Variants in GABRG3 observed in about 807,000 individuals in gnomAD.
The protein encoded by GABRG3 is gamma-aminobutyric acid type A receptor subunit gamma3, also known as gamma-aminobutyric acid receptor subunit gamma-3.
A neutral mutation model predicts 48.8 loss-of-function variants in GABRG3; 25 were observed. The ratio of observed to expected loss-of-function variants is 0.51; its 90% confidence interval spans 0.37 to 0.72. The LOEUF (loss-of-function observed/expected upper bound fraction) is 0.72, where lower values mean the gene tolerates loss of function less well. Ranked by LOEUF, GABRG3 falls within the 30% of genes least tolerant of loss-of-function variation. The pLI, the probability that GABRG3 is intolerant of heterozygous loss-of-function variation, is 0.00. For synonymous variants in GABRG3, 227 were observed against 217.6 expected (o/e 1.04, Z -0.38); for missense variants, 394 against 577.9 (o/e 0.68, Z 3.26).
At chr15:27,223,029 A>G (rs1889500722) in intron 3 of GABRG3, among the ~76,000 whole-genome samples, 1 of 152,214 alleles carries the variant, frequency 6.6e-6, no homozygotes, top group Non-Finnish European at 1.5e-5. Flanking sequence ...TTTTCTGAGG[A>G]TAGATATGGT....
chr15:27,034,494 G>C (rs1374538692), intron 3 of GABRG3, among the ~76,000 whole-genome samples: 1 of 152,060 alleles, frequency 6.6e-6, no homozygotes, highest in African/African-American at 2.4e-5. Context: ...AATAACAATA[G>C]GAACAATAAT....
At chr15:27,329,671 T>C (rs542004264) in intron 5 of GABRG3, among the ~76,000 whole-genome samples, 8 of 152,382 alleles carry the variant, frequency 5.2e-5, no homozygotes, top group African/African-American at 1.9e-4. Context: ...GTAAGATGAT[T>C]TAATTTTTCG....
At chr15:27,307,527 A>T (rs1173622755) in intron 3 of GABRG3, among the ~76,000 whole-genome samples, 1 of 93,102 alleles carries the variant, frequency 1.1e-5, no homozygotes, top group African/African-American at 3.8e-5. Flanking sequence ...TTATAGGTTT[A>T]TATATTTATA....
intron 3 of GABRG3, among the ~76,000 whole-genome samples, chr15:27,281,842 A>G (rs1891444734): frequency 6.6e-6 from 1 of 152,066 alleles, no homozygotes; most frequent in African/African-American, 2.4e-5. Context: ...CACTCTTTCT[A>G]CTGTTCTTAA....
At chr15:27,315,493 T>C (rs1170130559) in intron 3 of GABRG3, among the ~76,000 whole-genome samples, 1 of 152,152 alleles carries the variant, frequency 6.6e-6, no homozygotes, top group African/African-American at 2.4e-5. Context: ...CAAAATATAG[T>C]GATGTGTTTG....
At chr15:27,297,231 AAAAGTGTTACAATTAGCTAAG>A (rs1892023866) in intron 3 of GABRG3, among the ~76,000 whole-genome samples, 1 of 152,186 alleles carries the variant, frequency 6.6e-6, no homozygotes, top group Non-Finnish European at 1.5e-5. Context: ...TTTATAAAGT[AAAAGTGTTACAATTAGCTAAG>A]GTTAATTATT....
intron 3 of GABRG3, among the ~76,000 whole-genome samples, chr15:27,209,338 C>T (rs1197678786): frequency 6.9e-6 from 1 of 145,038 alleles, no homozygotes; most frequent in South Asian, 2.1e-4. Flanking sequence ...CTCTTTCTTT[C>T]TTTCTTTCTT....
chr15:27,480,035 C>G (rs1412184157), intron 5 of GABRG3, among the ~76,000 whole-genome samples: 1 of 152,228 alleles, frequency 6.6e-6, no homozygotes, highest in East Asian at 1.9e-4. Context: ...TGCCTGATGT[C>G]ATGATCTAGG....
chr15:27,354,426 A>T (rs900529145), intron 5 of GABRG3, among the ~76,000 whole-genome samples: 12 of 152,120 alleles, frequency 7.9e-5, no homozygotes, highest in Non-Finnish European at 1.2e-4. Context: ...ATGGAATATG[A>T]CTTGACCCAT....
At chr15:27,361,439 TCTC>T (rs1231013338) in intron 5 of GABRG3, among the ~76,000 whole-genome samples, 1 of 152,130 alleles carries the variant, frequency 6.6e-6, no homozygotes, top group African/African-American at 2.4e-5. Flanking sequence ...GCCTTGGTGT[TCTC>T]CTCAAACAGC....
Position 27,539,264 on chromosome 15 carries a change from A to AC in GABRG3, c.*6383_*6384insC, listed in dbSNP as rs1377325104. ...GGAAGTCTGAAGCCTCTGGAAGGGC[A>AC]GGTGGAATCGCTCCTGGCAAGGGCA... is the stretch of plus-strand genomic sequence containing the variant. On this transcript the variant is annotated 3_prime_UTR_variant, in exon 10 of 10. Transcript: ENST00000615808. 3.3e-5 allele frequency: 5 copies of AC among 152,184 alleles called. No homozygotes were observed. The highest frequency in any genetic ancestry group is 2.0e-4 in the Admixed American group (3 of 15,280). 9.4% of individuals were successfully genotyped at this position (152,184 alleles called of 1,614,324 possible). A position where few individuals can be genotyped will look rare whatever the true frequency, so the allele number is the denominator to read the frequency against.
At chr15:27,492,495 A>G (rs1890380075) in intron 6 of GABRG3, among the ~76,000 whole-genome samples, 1 of 152,166 alleles carries the variant, frequency 6.6e-6, no homozygotes, top group Non-Finnish European at 1.5e-5. Context: ...GTCTAAGGAG[A>G]GAGAGCAGTT....
At chr15:27,462,361 G>A (rs192644041) in intron 5 of GABRG3, among the ~76,000 whole-genome samples, 105 of 152,240 alleles carry the variant, frequency 6.9e-4, no homozygotes, top group African/African-American at 2.3e-3. Context: ...AATGGAAACA[G>A]AGCAAAACCA....
chr15:27,508,763 G>A (rs1055631493), intron 6 of GABRG3, among the ~76,000 whole-genome samples: 1 of 151,914 alleles, frequency 6.6e-6, no homozygotes, highest in Non-Finnish European at 1.5e-5. Flanking sequence ...ACCCAGGCTG[G>A]AGTACAGTGG....
chr15:27,336,782 A>G (rs1302606819), intron 5 of GABRG3, among the ~76,000 whole-genome samples: 1 of 152,234 alleles, frequency 6.6e-6, no homozygotes, highest in Non-Finnish European at 1.5e-5. Context: ...TCAGTGGTTA[A>G]TGGTTAAGCA....
intron 5 of GABRG3, among the ~76,000 whole-genome samples, chr15:27,361,349 G>A (rs971030550): frequency 2.6e-5 from 4 of 152,194 alleles, no homozygotes; most frequent in African/African-American, 7.2e-5. Flanking sequence ...TATCTTGGAG[G>A]CAGGACCAAG....
chr15:27,414,758 C>T (rs1595738899), intron 5 of GABRG3, among the ~76,000 whole-genome samples: 1 of 152,260 alleles, frequency 6.6e-6, no homozygotes, highest in East Asian at 1.9e-4. Flanking sequence ...CAGAGTGGCT[C>T]CAACATTCTC....
chr15:27,088,485 G>A (rs1897126263), intron 3 of GABRG3, among the ~76,000 whole-genome samples: 1 of 152,114 alleles, frequency 6.6e-6, no homozygotes, highest in Non-Finnish European at 1.5e-5. Context: ...GGTGAACACT[G>A]CCTGTATTAG....
intron 7 of GABRG3, among the ~76,000 whole-genome samples, chr15:27,526,586 T>C (rs928664530): frequency 6.6e-6 from 1 of 152,168 alleles, no homozygotes; most frequent in Non-Finnish European, 1.5e-5. Flanking sequence ...TTTATTCTTA[T>C]GTTCAATAGT....
Sources: gnomAD v4.1 joint callset for allele counts (sites outside exome capture counted in the v4.1 genomes callset) on GRCh38, gnomAD v4.1.1 for gene constraint, MANE v1.5 for transcripts, NCBI Gene and HGNC (gene_info 2026-07-23, HGNC 2026-07-21) for gene names.